CTNNA1: variants seen among roughly 807,000 people sequenced by gnomAD.
CTNNA1 encodes catenin alpha-1.
A neutral mutation model predicts 98.4 loss-of-function variants in CTNNA1; 37 were observed. The observed-to-expected ratio is 0.38, with a 90% CI of 0.29 to 0.49. The LOEUF (loss-of-function observed/expected upper bound fraction) is 0.49, where lower values mean the gene tolerates loss of function less well. CTNNA1 is among the 20% of genes least tolerant of loss of function. The pLI is 0.95. For synonymous variants in CTNNA1, 404 were observed against 413.2 expected, an observed-to-expected ratio of 0.98 and a Z score of 0.27; for missense variants, 761 against 1,147.2, an observed-to-expected ratio of 0.66 and a Z score of 4.86.
intron 1 of CTNNA1, among the ~76,000 whole-genome samples, chr5:138,764,012 C>A (rs578032920): frequency 1.3e-5 from 2 of 152,194 alleles, no homozygotes; most frequent in South Asian, 2.1e-4. Context: ...TGGAGAAACA[C>A]CGTCTCTACT....
chr5:138,896,485 C>T (rs1756843618), intron 9 of CTNNA1, among the ~76,000 whole-genome samples: 1 of 152,212 alleles, frequency 6.6e-6, no homozygotes, highest in South Asian at 2.1e-4. Context: ...GTGACCGCCT[C>T]ATACTGCACT....
At chr5:138,931,598 T>A (rs1004080643) in intron 16 of CTNNA1, 4 of 985,340 alleles carry the variant, frequency 4.1e-6, no homozygotes, top group Admixed American at 6.1e-5. Flanking sequence ...ATTGCTTCCA[T>A]TGGCCAAATG....
At chr5:138,813,231 C>T (rs1759028167) in intron 5 of CTNNA1, among the ~76,000 whole-genome samples, 2 of 152,222 alleles carry the variant, frequency 1.3e-5, no homozygotes. Flanking sequence ...GTGCCTGGCA[C>T]TGGGTGGCTG....
intron 7 of CTNNA1, among the ~76,000 whole-genome samples, chr5:138,858,486 TG>T (rs1304652310): frequency 6.6e-6 from 1 of 152,172 alleles, no homozygotes; most frequent in Non-Finnish European, 1.5e-5. Flanking sequence ...AGTGTGCTAT[TG>T]GTGAATTTCG....
intron 7 of CTNNA1, among the ~76,000 whole-genome samples, chr5:138,877,464 G>A (rs985029921): frequency 6.9e-6 from 1 of 144,078 alleles, no homozygotes; most frequent in Non-Finnish European, 1.5e-5. Flanking sequence ...TTTTTGAGAC[G>A]GAGTCTCGCT....
intron 7 of CTNNA1, among the ~76,000 whole-genome samples, chr5:138,862,282 T>C (rs967542316): frequency 9.2e-5 from 14 of 152,328 alleles, no homozygotes; most frequent in African/African-American, 2.6e-4. Flanking sequence ...CAAATCTGCC[T>C]TGGAACCAAA....
At chr5:138,818,611 C>T (rs1581144062) in intron 5 of CTNNA1, among the ~76,000 whole-genome samples, 1 of 152,268 alleles carries the variant, frequency 6.6e-6, no homozygotes, top group South Asian at 2.1e-4. Flanking sequence ...AGCTTCTTCA[C>T]CTGTGTTCAA....
At chr5:138,855,868 A>C (rs1460327717) in intron 7 of CTNNA1, among the ~76,000 whole-genome samples, 1 of 152,182 alleles carries the variant, frequency 6.6e-6, no homozygotes, top group Non-Finnish European at 1.5e-5. Flanking sequence ...ATTGTAATGA[A>C]AATGTGAAAA....
At chr5:138,833,708 C>T (rs898165143) in intron 7 of CTNNA1, among the ~76,000 whole-genome samples, 1 of 152,184 alleles carries the variant, frequency 6.6e-6, no homozygotes, top group Non-Finnish European at 1.5e-5. Context: ...CAACTTTGTT[C>T]AATGTCCAGA....
At position 138,824,593 on chromosome 5, in the gene CTNNA1, G is replaced by C. The variant is rs752549253; in HGVS notation, c.652G>C (p.Val218Leu). The change falls in exon 6 of 18, where the codon GTT becomes CTT. Residue 218 changes from valine (V) to leucine (L), a missense_variant. Val to Leu is a conservative substitution (Grantham distance 32, BLOSUM62 1). Around this residue, in one of 6 missense-constraint regions of CTNNA1, gnomAD observed 328 missense variants for 354.3 expected, o/e 0.93. Coordinates refer to ENST00000302763, the MANE Select transcript of CTNNA1 (RefSeq NM_001903.5). ...AGCTAGAGGAATCCTGCAGAAGAAC[G>C]TTCCGATCCTCTATACTGCATCCCA... is the stretch of plus-strand genomic sequence containing the variant. ...AAARGILQKN[V>L]PILYTASQAC... 5 of 1,614,216 alleles carry C rather than the reference G, an allele frequency of 3.1e-6. No homozygotes were observed. In the South Asian group the frequency reaches 5.5e-5, roughly 18 times the overall value.
At chr5:138,872,068 G>A (rs1459922608) in intron 7 of CTNNA1, 1 of 70,508 alleles carries the variant, frequency 1.4e-5, no homozygotes, top group Non-Finnish European at 3.1e-5. Context: ...GTGTGTGTGT[G>A]CGCTTTTAAA....
At chr5:138,811,942 G>T in intron 4 of CTNNA1, 1 of 364,004 alleles carries the variant, frequency 2.7e-6, no homozygotes. Flanking sequence ...TGGGGAGAGG[G>T]AGAGGGAGGG....
intron 1 of CTNNA1, among the ~76,000 whole-genome samples, chr5:138,760,635 G>A (rs1399942833): frequency 6.6e-6 from 1 of 152,162 alleles, no homozygotes; most frequent in Non-Finnish European, 1.5e-5. Context: ...AAAACTGCTG[G>A]GATTACAGGC....
chr5:138,923,157 A>C (rs1298660432), intron 11 of CTNNA1, among the ~76,000 whole-genome samples: 4 of 152,154 alleles, frequency 2.6e-5, no homozygotes, highest in Admixed American at 6.5e-5. Context: ...TTTCATCTTA[A>C]CGGTATTGTG....
chr5:138,838,591 CT>C (rs1762004712), intron 7 of CTNNA1, among the ~76,000 whole-genome samples: 1 of 150,712 alleles, frequency 6.6e-6, no homozygotes, highest in Non-Finnish European at 1.5e-5. Context: ...ATTTATTTTT[CT>C]GTCTGCTTAT....
rs1751057821 is a variant in CTNNA1, at chr5:138,874,429, G to C, written c.1063-11783G>C. The C allele has an allele frequency of 1.2e-6, 2 of 1,613,792 alleles. No individual in the cohort carries two copies. The highest frequency in any genetic ancestry group is 1.3e-5 in the African/African-American group (1 of 74,906). On this transcript the variant is annotated intron_variant, in intron 7 of 17. Transcript: ENST00000302763. This position sits in a 1 kb window ranked among gnomAD's most constrained non-coding sequence, Gnocchi z 4.1. ...GGAAGCCCTGAGAGTCGCAGTAGAA[G>C]AGCAGCTTCTCGCAGCGGCATTTGG...
chr5:138,781,904 CTT>C lies in CTNNA1; in HGVS notation c.-2-15_-2-14del. 6.4e-7 allele frequency: 1 copy of C among 1,568,514 alleles called. No homozygotes were observed. The highest frequency in any genetic ancestry group is 2.2e-5 in the Admixed American group (1 of 44,718). On this transcript the variant is annotated splice_polypyrimidine_tract_variant and intron_variant, in intron 1 of 17. Coordinates refer to ENST00000302763, the MANE Select transcript of CTNNA1 (RefSeq NM_001903.5). ...TTGTGTTTGATGTTTGCCTGACTGA[CTT>C]TTTGTTTCTTATTTAGAAATGACTG... is the stretch of plus-strand genomic sequence containing the variant.
intron 7 of CTNNA1, among the ~76,000 whole-genome samples, chr5:138,857,921 G>C (rs1415761539): frequency 6.6e-6 from 1 of 152,040 alleles, no homozygotes; most frequent in African/African-American, 2.4e-5. Context: ...ACGCATGTAG[G>C]GAAGCTGAAA....
At chr5:138,850,021 ATT>A (rs1246505261) in intron 7 of CTNNA1, among the ~76,000 whole-genome samples, 2 of 151,976 alleles carry the variant, frequency 1.3e-5, no homozygotes, top group African/African-American at 4.8e-5. Context: ...CTCTCTTAAG[ATT>A]TTTGTGTCTT....
Sources: allele counts gnomAD v4.1 joint callset (sites outside exome capture counted in the v4.1 genomes callset), GRCh38; gene constraint gnomAD v4.1.1; regional missense constraint gnomAD v4.1.1; non-coding constraint Gnocchi (gnomAD v3.1); transcripts MANE v1.5; gene names NCBI Gene and HGNC (gene_info 2026-07-23, HGNC 2026-07-21).